Variants in SENP1 observed in about 807,000 individuals in gnomAD.
SENP1 encodes sentrin-specific protease 1.
In SENP1, 21 loss-of-function variants were observed where a neutral mutation model predicts 93.0. That is an observed-to-expected ratio of 0.23 (90% confidence interval 0.16 to 0.33). SENP1 has a LOEUF of 0.33. Among genes scored for constraint, SENP1 ranks in the 10% least tolerant of loss-of-function variants. SENP1 has a pLI of 1.00. For missense variants in SENP1, 591 were observed against 758.7 expected, an observed-to-expected ratio of 0.78 and a Z score of 2.60; for synonymous variants, 256 against 259.6, an observed-to-expected ratio of 0.99 and a Z score of 0.13.
chr12:48,059,551 T>C (rs1942818879), intron 13 of SENP1, among the ~76,000 whole-genome samples: 1 of 152,196 alleles, frequency 6.6e-6, no homozygotes, highest in Admixed American at 6.5e-5. Context: ...GTCTGCTAAT[T>C]CTATTATTTT....
intron 1 of SENP1, among the ~76,000 whole-genome samples, 152 bp from the exon 2 acceptor site, chr12:48,101,668 TAA>T (rs775379759): frequency 6.6e-6 from 1 of 152,028 alleles, no homozygotes; most frequent in African/African-American, 2.4e-5. Context: ...GGGAAAAGAG[TAA>T]AAACTAAAAC....
chr12:48,055,731 T>C (rs1430369761), intron 13 of SENP1: 1 of 150,010 alleles, frequency 6.7e-6, no homozygotes, highest in Non-Finnish European at 1.5e-5. Context: ...GTATTTTGAC[T>C]ACATGCTAAA....
chr12:48,051,231 C>T (rs1941791743), intron 13 of SENP1, among the ~76,000 whole-genome samples: 1 of 152,136 alleles, frequency 6.6e-6, no homozygotes, highest in African/African-American at 2.4e-5. Flanking sequence ...AGAGGGTTCA[C>T]TAGAAAGCTA....
intron 8 of SENP1, among the ~76,000 whole-genome samples, chr12:48,072,653 A>T (rs1472100139): frequency 6.6e-6 from 1 of 152,122 alleles, no homozygotes; most frequent in Non-Finnish European, 1.5e-5. Flanking sequence ...AACAAAAAAC[A>T]CTACTTCCTT....
intron 3 of SENP1, 48 bp downstream of exon 3, chr12:48,097,946 G>C (rs112673323): frequency 7.0e-6 from 11 of 1,561,734 alleles, no homozygotes; most frequent in African/African-American, 6.8e-5. Context: ...GAAAACTTAT[G>C]ATGAGCCCAA....
Position 48,074,312 on chromosome 12 carries a change from T to C in SENP1, c.940+12A>G, listed in dbSNP as rs1319151556. On this transcript the variant is annotated intron_variant, in intron 8 of 17. Transcript: ENST00000549518. ...TAGGACTAAAAATGTAGTTATATGA[T>C]ACCATGTTTACCTTCAGATTGTGTA... 2 of 1,601,192 alleles carry C rather than the reference T, an allele frequency of 1.2e-6. No individual in the cohort carries two copies. Among genetic ancestry groups the C allele is most frequent in the Non-Finnish European group, 1.7e-6 (2 of 1,171,266 alleles).
intron 6 of SENP1, among the ~76,000 whole-genome samples, chr12:48,077,136 T>C (rs892289519): frequency 3.3e-5 from 5 of 152,236 alleles, no homozygotes; most frequent in African/African-American, 9.6e-5. Flanking sequence ...TTTAACAGTT[T>C]TGTTTTCTTG....
chr12:48,075,338 G>C (rs551855356), intron 6 of SENP1, among the ~76,000 whole-genome samples: 1 of 152,224 alleles, frequency 6.6e-6, no homozygotes, highest in South Asian at 2.1e-4. Context: ...TTAAATAATA[G>C]TGCAGAGGAA....
chr12:48,101,366 A>C (rs1177001413), intron 2 of SENP1, 103 bp downstream of exon 2: 4 of 861,796 alleles, frequency 4.6e-6, no homozygotes, highest in Non-Finnish European at 5.5e-6. Flanking sequence ...ATTATTATTA[A>C]GCACAAAGAT....
intron 6 of SENP1, among the ~76,000 whole-genome samples, chr12:48,083,029 C>G (rs1592418569): frequency 6.6e-6 from 1 of 152,240 alleles, no homozygotes; most frequent in Middle Eastern, 3.4e-3. Context: ...CTCAGCCTCG[C>G]CAGTAGCTAG....
intron 2 of SENP1, among the ~76,000 whole-genome samples, chr12:48,099,679 G>T (rs912541441): frequency 6.6e-6 from 1 of 152,126 alleles, no homozygotes; most frequent in Non-Finnish European, 1.5e-5. Flanking sequence ...AGGCATAGTG[G>T]CACATGCCTG....
chr12:48,085,347 C>T, intron 5 of SENP1: 1 of 1,439,418 alleles, frequency 6.9e-7, no homozygotes, highest in South Asian at 1.2e-5. Flanking sequence ...CTCCAAGGAG[C>T]ACCCATATGA....
At chr12:48,092,286 G>GTTAC (rs1945272553) in intron 4 of SENP1, among the ~76,000 whole-genome samples, 1 of 152,100 alleles carries the variant, frequency 6.6e-6, no homozygotes, top group South Asian at 2.1e-4. Context: ...CAAGAGGTAA[G>GTTAC]GCACAAAGTG....
rs900221444 is a variant in SENP1 at position 48,063,894 on chromosome 12, C to T, written c.1276-53G>A. Reference sequence around the variant, plus strand: ...CAAACACGCGTGGCTTCAGAAAAACCGTATTTCTCACCAAACCCCATATAA... The same window carrying T: ...CAAACACGCGTGGCTTCAGAAAAACTGTATTTCTCACCAAACCCCATATAA... On this transcript the variant is annotated intron_variant, in intron 12 of 17. Transcript: ENST00000549518. The T allele has an allele frequency of 9.8e-6, 15 of 1,536,836 alleles. No individual in the cohort carries two copies. In the African/African-American group the frequency reaches 1.8e-4, roughly 18 times the overall value.
chr12:48,094,099 G>A (rs915995553), intron 4 of SENP1, among the ~76,000 whole-genome samples: 1 of 152,208 alleles, frequency 6.6e-6, no homozygotes, highest in African/African-American at 2.4e-5. Flanking sequence ...ATGAGATGGG[G>A]TGCAGTGGCT....
At chr12:48,099,510 A>T (rs1260402656) in intron 2 of SENP1, among the ~76,000 whole-genome samples, 1 of 151,796 alleles carries the variant, frequency 6.6e-6, no homozygotes, top group Non-Finnish European at 1.5e-5. Flanking sequence ...TAACACAAAG[A>T]AGTGCTTTAA....
At chr12:48,063,945 C>T (rs186769320) in intron 12 of SENP1, 104 bp from the exon 13 acceptor site, 38 of 1,097,848 alleles carry the variant, frequency 3.5e-5, no homozygotes, top group Admixed American at 8.1e-5. Flanking sequence ...TATCACCATT[C>T]GATTGTTTAT....
intron 13 of SENP1, among the ~76,000 whole-genome samples, chr12:48,062,928 T>A (rs1370366513): frequency 5.9e-5 from 9 of 152,194 alleles, no homozygotes. Flanking sequence ...ATTACTACAC[T>A]GAGAAACTAA....
At chr12:48,071,801 A>G (rs1449868356) in intron 8 of SENP1, 80 bp from the exon 9 acceptor site, 2 of 898,830 alleles carry the variant, frequency 2.2e-6, no homozygotes, top group East Asian at 2.6e-5. Context: ...TTAAGTTCCC[A>G]TACTTTGCTA....
Sources: gnomAD v4.1 joint callset for allele counts (sites outside exome capture counted in the v4.1 genomes callset) on GRCh38, gnomAD v4.1.1 for gene constraint, MANE v1.5 for transcripts, NCBI Gene and HGNC (gene_info 2026-07-23, HGNC 2026-07-21) for gene names.